WDR3: variants seen among roughly 807,000 people sequenced by gnomAD.
The protein encoded by WDR3 is WD repeat-containing protein 3.
In WDR3, 81 loss-of-function variants were observed where a neutral mutation model predicts 123.7. That is an observed-to-expected ratio of 0.65 (90% CI 0.55 to 0.79). The LOEUF (loss-of-function observed/expected upper bound fraction) is 0.79. WDR3 is among the 30% of genes least tolerant of loss of function. The pLI is 0.00. For missense variants in WDR3, 1,027 were observed against 1,123.2 expected (o/e 0.91, Z 1.22); for synonymous variants, 390 against 388.8 (o/e 1.00, Z -0.04).
At chr1:117,952,719 A>G in intron 19 of WDR3, 57 bp downstream of exon 19, 1 of 1,588,206 alleles carries the variant, frequency 6.3e-7, no homozygotes, top group Non-Finnish European at 8.6e-7. Flanking sequence ...AGGCTGTCCT[A>G]GTTGAAGTTT....
In WDR3 at chr1:117,960,110, G is replaced by GTGTGTGTA. The variant is rs1491254328; in HGVS notation, c.*670_*671insATGTGTGT. On this transcript the variant is annotated 3_prime_UTR_variant, in exon 27 of 27. Coordinates refer to ENST00000349139, the MANE Select transcript of WDR3 (RefSeq NM_006784.3). ...GGGCTTCTGAGGAATTAATACACTCGTGTGTGTGTGTGTGTGTGTGTGTGT... is the reference window on the plus strand; with the variant it reads ...GGGCTTCTGAGGAATTAATACACTCGTGTGTGTATGTGTGTGTGTGTGTGTGTGTGTGT... The GTGTGTGTA allele has an allele frequency of 5.4e-3, 11 of 2,020 alleles. No individual in the cohort carries two copies. The highest frequency in any genetic ancestry group is 0.013 in the African/African-American group (11 of 818). The allele number at this position is 2,020 out of a possible 1,614,324, so 0.1% of individuals were successfully genotyped here.
In WDR3 at chr1:117,964,662, T is replaced by C. The variant is rs1217954852; in HGVS notation, c.*5215T>C. 1.3e-5 allele frequency: 2 copies of C among 152,188 alleles called. No individual in the cohort carries two copies. The highest frequency in any genetic ancestry group is 2.9e-5 in the Non-Finnish European group (2 of 68,026). 9.4% of individuals were successfully genotyped at this position (152,188 alleles called of 1,614,324 possible). On this transcript the variant is annotated 3_prime_UTR_variant, in exon 27 of 27. Coordinates refer to ENST00000349139, the MANE Select transcript of WDR3 (RefSeq NM_006784.3). ...TGCTCCATTGTACTTACTGCCATCA[T>C]TGTTTATGGTTTACTTACTTTATGT...
chr1:117,951,912 T>C, intron 16 of WDR3, 64 bp from the exon 17 acceptor site: 1 of 1,444,702 alleles, frequency 6.9e-7, no homozygotes, highest in Non-Finnish European at 9.5e-7. Flanking sequence ...AATATTCTGG[T>C]TAGCTTTTTA....
intron 10 of WDR3, 81 bp from the exon 11 acceptor site, chr1:117,943,315 T>C (rs1161822925): frequency 8.3e-7 from 1 of 1,205,348 alleles, no homozygotes; most frequent in African/African-American, 1.5e-5. Context: ...ATAGAGGACA[T>C]TGTAAAGCCT....
At chr1:117,938,360 G>T in intron 4 of WDR3, 120 bp from the exon 5 acceptor site, 1 of 706,352 alleles carries the variant, frequency 1.4e-6, no homozygotes, top group Non-Finnish European at 2.3e-6. Flanking sequence ...GAGAATCGGA[G>T]CTTTAGACAT....
chr1:117,945,265 C>T (rs1382914648), intron 11 of WDR3, among the ~76,000 whole-genome samples: 2 of 152,194 alleles, frequency 1.3e-5, no homozygotes, highest in Non-Finnish European at 2.9e-5. Flanking sequence ...TTCCATCTCA[C>T]TCTACCTACC....
At chr1:117,940,763 C>G in intron 6 of WDR3, 64 bp from the exon 7 acceptor site, 1 of 1,411,652 alleles carries the variant, frequency 7.1e-7, no homozygotes, top group Admixed American at 2.0e-5. Context: ...ACAACAACAA[C>G]AACAACAACA....
At chr1:117,949,685 A>G in intron 13 of WDR3, 66 bp from the exon 14 acceptor site, 1 of 1,535,558 alleles carries the variant, frequency 6.5e-7, no homozygotes, top group South Asian at 1.2e-5. Context: ...GACTTTTAAA[A>G]TGTATCTTCA....
At chr1:117,955,763 CA>C (rs201854117) in intron 24 of WDR3, among the ~76,000 whole-genome samples, 5,375 of 141,342 alleles carry the variant, frequency 0.038, 245 homozygotes, top group African/African-American at 0.11. Flanking sequence ...TCATATTCTT[CA>C]AAAAAAAAAA....
rs2101349148 is a variant in WDR3 at position 117,960,399 on chromosome 1, A to T, written c.*952A>T. ...TACTTAGAAAATCATAAGGAAGAGA[A>T]AATATATTTACTGTGTTTATCAATA... On this transcript the variant is annotated 3_prime_UTR_variant, in exon 27 of 27. Transcript: ENST00000349139. 6.6e-6 allele frequency: 1 copy of T among 152,316 alleles called. No individual in the cohort carries two copies. The highest frequency in any genetic ancestry group is 1.9e-4 in the East Asian group (1 of 5,188). 9.4% of individuals were successfully genotyped at this position (152,316 alleles called of 1,614,324 possible). A position where few individuals can be genotyped will look rare whatever the true frequency, so the allele number is the denominator to read the frequency against.
intron 21 of WDR3, 116 bp downstream of exon 21, chr1:117,953,657 T>A: frequency 3.2e-6 from 3 of 934,580 alleles, no homozygotes; most frequent in Non-Finnish European, 4.9e-6. Flanking sequence ...TGATGAGATT[T>A]AAAGATGGGG....
Position 117,943,619 on chromosome 1 carries a change from T to C in WDR3, c.1321T>C (p.Trp441Arg), listed in dbSNP as rs1651263362. 1.9e-6 allele frequency: 3 copies of C among 1,614,078 alleles called. No individual in the cohort carries two copies. Among genetic ancestry groups the C allele is most frequent in the South Asian group, 1.1e-5 (1 of 91,072 alleles). The change falls in exon 11 of 27, where the codon TGG (tryptophan) becomes CGG (arginine). Residue 441 changes from tryptophan (W) to arginine (R), a missense_variant. Coordinates refer to ENST00000349139, the MANE Select transcript of WDR3 (RefSeq NM_006784.3). ...LSAAADSIKI[W>R]NRSTLQCIRT... is the part of the protein sequence containing the mutation. The stretch of plus-strand genomic sequence containing the variant: ...AGCTGCAGCTGATTCCATTAAAATA[T>C]GGAACAGGTTCGTGAAATGATGTTT...
At chr1:117,951,914 A>G in intron 16 of WDR3, 62 bp from the exon 17 acceptor site, 1 of 1,449,814 alleles carries the variant, frequency 6.9e-7, no homozygotes, top group Non-Finnish European at 9.5e-7. Flanking sequence ...TATTCTGGTT[A>G]GCTTTTTATT....
intron 15 of WDR3, 79 bp downstream of exon 15, chr1:117,950,209 T>C (rs1012565179): frequency 6.5e-7 from 1 of 1,539,240 alleles, no homozygotes; most frequent in Non-Finnish European, 8.8e-7. Context: ...TATAAAGAAG[T>C]GGCCTTGACT....
At chr1:117,948,534 G>C (rs1651490303) in intron 13 of WDR3, 28 bp downstream of exon 13, 1 of 1,590,010 alleles carries the variant, frequency 6.3e-7, no homozygotes, top group African/African-American at 1.3e-5. Context: ...TAAAGCCCTG[G>C]AGTTCAGCCC....
At chr1:117,935,330 T>A (rs1038287670) in intron 3 of WDR3, among the ~76,000 whole-genome samples, 1 of 152,042 alleles carries the variant, frequency 6.6e-6, no homozygotes, top group Non-Finnish European at 1.5e-5. Flanking sequence ...TGACCTAATA[T>A]GGAAAAGCAA....
At chr1:117,944,034 GATC>G in intron 11 of WDR3, among the ~76,000 whole-genome samples, 1 of 152,198 alleles carries the variant, frequency 6.6e-6, no homozygotes, top group East Asian at 1.9e-4. Flanking sequence ...TGAAGCTAAT[GATC>G]ATATCTCCCA....
chr1:117,930,887 A>C (rs1018829668), intron 1 of WDR3, among the ~76,000 whole-genome samples: 1 of 152,206 alleles, frequency 6.6e-6, no homozygotes, highest in Admixed American at 6.5e-5. Context: ...TCTGGGTCTG[A>C]GTTCCTTGTC....
At chr1:117,954,428 A>G (rs1171399531) in intron 22 of WDR3, 152 bp from the exon 23 acceptor site, 3 of 716,342 alleles carry the variant, frequency 4.2e-6, no homozygotes, top group Non-Finnish European at 6.8e-6. Flanking sequence ...ATAGAAACTA[A>G]CAGGTTTGAT....
Sources: allele counts gnomAD v4.1 joint callset (sites outside exome capture counted in the v4.1 genomes callset), GRCh38; gene constraint gnomAD v4.1.1; transcripts MANE v1.5; gene names NCBI Gene and HGNC (gene_info 2026-07-23, HGNC 2026-07-21).